CTNNA3: variants seen among roughly 807,000 people sequenced by gnomAD.
The protein encoded by CTNNA3 is catenin alpha 3, also known as catenin alpha-3.
Under a neutral mutation model 95.7 loss-of-function variants are expected in CTNNA3, and 76 were observed. The ratio of observed to expected loss-of-function variants is 0.79; its 90% confidence interval spans 0.66 to 0.96. The LOEUF is 0.96. CTNNA3 is among the 40% of genes least tolerant of loss of function. CTNNA3 has a pLI of 0.00. For missense variants in CTNNA3, 1,191 were observed against 1,089.8 expected, an observed-to-expected ratio of 1.09 and a Z score of -1.31; for synonymous variants, 431 against 374.4, an observed-to-expected ratio of 1.15 and a Z score of -1.74.
chr10:66,123,353 T>C (rs1273355365), intron 13 of CTNNA3, among the ~76,000 whole-genome samples: 2 of 152,170 alleles, frequency 1.3e-5, no homozygotes, highest in Non-Finnish European at 2.9e-5. Flanking sequence ...ATCCGGGTCA[T>C]GCTGATGCAA....
chr10:65,992,331 T>G (rs1236159826), intron 15 of CTNNA3, among the ~76,000 whole-genome samples: 1 of 152,140 alleles, frequency 6.6e-6, no homozygotes, highest in Non-Finnish European at 1.5e-5. Flanking sequence ...ATGTTAGTTA[T>G]TCTTTGTAAG....
intron 5 of CTNNA3, among the ~76,000 whole-genome samples, chr10:67,381,504 CA>C (rs1295776007): frequency 3.3e-5 from 5 of 152,116 alleles, no homozygotes; most frequent in Admixed American, 6.5e-5. Context: ...TTCCTTCGTG[CA>C]CTGTAATTAT....
chr10:66,668,264 T>C (rs533223935), intron 9 of CTNNA3, among the ~76,000 whole-genome samples: 1 of 151,388 alleles, frequency 6.6e-6, no homozygotes, highest in East Asian at 1.9e-4. Context: ...GGGAATATAA[T>C]GGGAAACATA....
In CTNNA3 at chr10:66,140,111, G is replaced by A. The variant is rs141941777; in HGVS notation, c.1885-36862C>T. 1.8e-3 allele frequency among the ~76,000 whole-genome samples: 276 copies of A among 152,258 alleles called. 1 individual carries two copies. The highest frequency in any genetic ancestry group is 6.0e-3 in the African/African-American group (250 of 41,554). On this transcript the variant is annotated intron_variant, in intron 13 of 17. Transcript: ENST00000433211. Reference sequence around the variant, plus strand: ...AGCAGCTCCATTTATGCACAGAGTAGGGACCAAAATTCTAACTAACTAATC... The same window carrying A: ...AGCAGCTCCATTTATGCACAGAGTAAGGACCAAAATTCTAACTAACTAATC...
At chr10:67,300,953 TAA>T (rs921359616) in intron 5 of CTNNA3, among the ~76,000 whole-genome samples, 1 of 152,226 alleles carries the variant, frequency 6.6e-6, no homozygotes, top group Non-Finnish European at 1.5e-5. Context: ...ATTTTTTATT[TAA>T]GTTTTAAAAT....
At chr10:67,048,740 G>C (rs763731469) in intron 7 of CTNNA3, among the ~76,000 whole-genome samples, 8 of 151,978 alleles carry the variant, frequency 5.3e-5, no homozygotes, top group Non-Finnish European at 7.4e-5. Context: ...AGCAAAGTGA[G>C]GTAGACAACA....
chr10:65,952,092 A>G (rs2133211120), intron 17 of CTNNA3, among the ~76,000 whole-genome samples: 1 of 152,136 alleles, frequency 6.6e-6, no homozygotes, highest in Admixed American at 6.5e-5. Flanking sequence ...TATGAGATAG[A>G]TAGCTATAAC....
intron 1 of CTNNA3, among the ~76,000 whole-genome samples, chr10:67,719,844 C>T (rs1473987268): frequency 6.6e-6 from 1 of 151,966 alleles, no homozygotes; most frequent in Non-Finnish European, 1.5e-5. Flanking sequence ...AGTTCAAGTC[C>T]TGAATATCCT....
intron 7 of CTNNA3, among the ~76,000 whole-genome samples, chr10:67,123,861 C>T (rs1859583653): frequency 1.3e-5 from 2 of 152,110 alleles, no homozygotes; most frequent in African/African-American, 4.8e-5. Context: ...ATACTGTTTC[C>T]AATACTACAA....
intron 5 of CTNNA3, among the ~76,000 whole-genome samples, chr10:67,433,951 T>G (rs545735804): frequency 6.6e-6 from 1 of 152,040 alleles, no homozygotes; most frequent in Non-Finnish European, 1.5e-5. Context: ...TTTCTTGAAC[T>G]TCCCTCTCCA....
chr10:66,203,114 T>C (rs1292133131), intron 13 of CTNNA3, among the ~76,000 whole-genome samples: 2 of 152,186 alleles, frequency 1.3e-5, no homozygotes, highest in East Asian at 3.9e-4. Context: ...TATAGATCTA[T>C]GTCCATCACT....
At chr10:66,546,363 T>A (rs1842034442) in intron 10 of CTNNA3, among the ~76,000 whole-genome samples, 1 of 152,186 alleles carries the variant, frequency 6.6e-6, no homozygotes, top group Admixed American at 6.6e-5. Context: ...TTTTGTAGCA[T>A]CAAATCATCA....
At chr10:67,237,169 T>TATATATAC (rs1865522839) in intron 5 of CTNNA3, among the ~76,000 whole-genome samples, 5 of 117,666 alleles carry the variant, frequency 4.2e-5, no homozygotes, top group African/African-American at 1.3e-4. Flanking sequence ...TATATATATA[T>TATATATAC]ATATACACAC....
intron 14 of CTNNA3, among the ~76,000 whole-genome samples, chr10:66,095,434 T>G (rs994657268): frequency 1.4e-4 from 22 of 152,100 alleles, no homozygotes; most frequent in African/African-American, 5.1e-4. Context: ...TTAAAACTGT[T>G]TTTTATAATA....
At position 66,543,643 on chromosome 10, in the gene CTNNA3, A is replaced by C. The variant is rs972816987; in HGVS notation, c.1375-22870T>G. Among the ~76,000 whole-genome samples the C allele has an allele frequency of 2.0e-5, 3 of 151,698 alleles. No individual in the cohort carries two copies. In the South Asian group the frequency reaches 6.2e-4, roughly 31 times the overall value. On this transcript the variant is annotated intron_variant, in intron 10 of 17. Transcript: ENST00000433211. ...TTTAAAATTTTTGTATTTTTTAATG[A>C]ATTACATTTCTAAAGATAGTAGAAA...
intron 14 of CTNNA3, among the ~76,000 whole-genome samples, chr10:66,089,284 C>T (rs899989577): frequency 6.6e-6 from 1 of 151,834 alleles, no homozygotes; most frequent in Non-Finnish European, 1.5e-5. Flanking sequence ...TCATTGCACA[C>T]TATTACTCTT....
At chr10:67,541,345 T>C (rs1048200223) in intron 3 of CTNNA3, among the ~76,000 whole-genome samples, 6 of 151,960 alleles carry the variant, frequency 3.9e-5, no homozygotes, top group Non-Finnish European at 8.8e-5. Flanking sequence ...AACCTTAACA[T>C]AAAGAAAACT....
intron 7 of CTNNA3, among the ~76,000 whole-genome samples, chr10:67,090,753 G>A (rs1396889658): frequency 6.6e-6 from 1 of 152,010 alleles, no homozygotes; most frequent in Non-Finnish European, 1.5e-5. Context: ...TCAACTGACA[G>A]ACGCAACAAA....
chr10:66,780,885 T>G (rs2132844431), intron 7 of CTNNA3, among the ~76,000 whole-genome samples: 2 of 152,284 alleles, frequency 1.3e-5, no homozygotes, highest in Middle Eastern at 6.8e-3. Context: ...GTTTCTATAT[T>G]CCTTTCTAAC....
Sources: gnomAD v4.1 joint callset for allele counts (sites outside exome capture counted in the v4.1 genomes callset) on GRCh38, gnomAD v4.1.1 for gene constraint, MANE v1.5 for transcripts, NCBI Gene and HGNC (gene_info 2026-07-23, HGNC 2026-07-21) for gene names.